YWHAE: variants seen among roughly 807,000 people sequenced by gnomAD.
YWHAE encodes 14-3-3 protein epsilon.
Under a neutral mutation model 30.1 loss-of-function variants are expected in YWHAE, and 4 were observed. The ratio of observed to expected loss-of-function variants is 0.13; its 90% CI spans 0.07 to 0.30. The LOEUF is 0.30. YWHAE is among the 10% of genes least tolerant of loss of function. The pLI is 1.00. For missense variants in YWHAE, 121 were observed against 315.9 expected, an observed-to-expected ratio of 0.38 and a Z score of 4.68; for synonymous variants, 118 against 111.8, an observed-to-expected ratio of 1.06 and a Z score of -0.35.
At chr17:1,356,212 ACAC>A (rs1203599662) in intron 4 of YWHAE, among the ~76,000 whole-genome samples, 10 of 140,080 alleles carry the variant, frequency 7.1e-5, no homozygotes, top group African/African-American at 2.5e-4. Context: ...ACACACACAC[ACAC>A]AAAATTAGCC....
In YWHAE at chr17:1,360,779, G is replaced by A. The variant is rs138430771; in HGVS notation, c.578+313C>T. Among the ~76,000 whole-genome samples, 6 of 152,108 alleles carry A rather than the reference G, an allele frequency of 3.9e-5. No individual in the cohort carries two copies. The East Asian group carries it at 1.2e-3, about 29-fold the overall frequency. On this transcript the variant is annotated intron_variant, in intron 4 of 5. Transcript: ENST00000264335. Reference sequence around the variant, plus strand: ...AGACATGGTCTCAAATTTAAAAAAAGACTGAAAACTAATATAACAAAAATT... The same window carrying A: ...AGACATGGTCTCAAATTTAAAAAAAAACTGAAAACTAATATAACAAAAATT...
chr17:1,345,690 G>A (rs2072505475), intron 5 of YWHAE, among the ~76,000 whole-genome samples, 191 bp from the exon 6 acceptor site: 1 of 151,998 alleles, frequency 6.6e-6, no homozygotes, highest in African/African-American at 2.4e-5. Context: ...GGTCCTGAAA[G>A]TATTTATTGG....
rs549878966 is a variant in YWHAE at position 1,357,762 on chromosome 17, CA to C, written c.578+3329del. On this transcript the variant is annotated intron_variant, in intron 4 of 5. Coordinates refer to ENST00000264335, the MANE Select transcript of YWHAE (RefSeq NM_006761.5). ...CCAACACTGTGAAAACCCATCTCTA[CA>C]TAAAAATACAAAAATTAGCTGGGTA... 1.6e-3 allele frequency among the ~76,000 whole-genome samples: 235 copies of C among 150,704 alleles called. 1 individual carries two copies. Among genetic ancestry groups the C allele is most frequent in the African/African-American group, 5.4e-3 (220 of 41,006 alleles).
chr17:1,355,116 TAAAAAAAAAAAA>T (rs869230957), intron 4 of YWHAE, among the ~76,000 whole-genome samples: 4 of 17,182 alleles, frequency 2.3e-4, no homozygotes, highest in South Asian at 3.1e-3. Flanking sequence ...CAAGATTTTT[TAAAAAAAAAAAA>T]AAAAAAAAAA....
At chr17:1,353,223 G>T (rs1443224641) in intron 5 of YWHAE, among the ~76,000 whole-genome samples, 1 of 151,944 alleles carries the variant, frequency 6.6e-6, no homozygotes, top group Admixed American at 6.6e-5. Context: ...TGGATCACAA[G>T]GTTAGGAGAT....
intron 1 of YWHAE, among the ~76,000 whole-genome samples, chr17:1,370,623 G>T (rs1411409241): frequency 6.6e-6 from 1 of 152,124 alleles, no homozygotes; most frequent in African/African-American, 2.4e-5. Flanking sequence ...TAGAGACGGG[G>T]TTTCAGCATG....
At chr17:1,389,565 C>A (rs1396094322) in intron 1 of YWHAE, among the ~76,000 whole-genome samples, 3 of 148,022 alleles carry the variant, frequency 2.0e-5, no homozygotes, top group African/African-American at 7.5e-5. Flanking sequence ...GAGTCTCGCT[C>A]TGTTGCCCAG....
intron 1 of YWHAE, among the ~76,000 whole-genome samples, chr17:1,370,288 A>G (rs1043720922): frequency 1.3e-5 from 2 of 149,276 alleles, no homozygotes; most frequent in African/African-American, 2.5e-5. Context: ...CACCATGCCC[A>G]GTGAATTTTT....
intron 1 of YWHAE, 26 bp downstream of exon 1, chr17:1,400,021 A>G: frequency 1.9e-6 from 3 of 1,593,562 alleles, no homozygotes; most frequent in Non-Finnish European, 2.6e-6. Flanking sequence ...CGAGAATTCC[A>G]GCCCCCCGTT....
At chr17:1,371,626 T>C (rs560228987) in intron 1 of YWHAE, among the ~76,000 whole-genome samples, 1 of 152,310 alleles carries the variant, frequency 6.6e-6, no homozygotes, top group African/African-American at 2.4e-5. Flanking sequence ...ACCAGCTGCA[T>C]TAGTCCCTAA....
At chr17:1,384,419 C>T (rs184996689) in intron 1 of YWHAE, among the ~76,000 whole-genome samples, 121 of 151,660 alleles carry the variant, frequency 8.0e-4, no homozygotes, top group Middle Eastern at 3.4e-3. Context: ...CGACCGGGCG[C>T]GGTGGCTCAC....
chr17:1,361,082 C>G lies in YWHAE; in HGVS notation c.578+10G>C. 6.2e-7 allele frequency: 1 copy of G among 1,613,474 alleles called. No individual in the cohort carries two copies. The highest frequency in any genetic ancestry group is 8.5e-7 in the Non-Finnish European group (1 of 1,179,498). Reference sequence around the variant, plus strand: ...CACGCTGAGCGCTGCTGTTCTTCCCCACAACTTACCTGCAGGCACGGTCAG... The same window carrying G: ...CACGCTGAGCGCTGCTGTTCTTCCCGACAACTTACCTGCAGGCACGGTCAG... On this transcript the variant is annotated intron_variant, in intron 4 of 5. Transcript: ENST00000264335.
chr17:1,355,115 TTAAAAAAAAAAAAAA>T (rs1346979378), intron 4 of YWHAE, among the ~76,000 whole-genome samples: 21 of 72,378 alleles, frequency 2.9e-4, no homozygotes, highest in East Asian at 1.3e-3. Context: ...CCAAGATTTT[TTAAAAAAAAAAAAAA>T]AAAAAAAAAA....
intron 5 of YWHAE, among the ~76,000 whole-genome samples, chr17:1,353,040 A>G (rs571620844): frequency 2.0e-5 from 3 of 152,208 alleles, no homozygotes; most frequent in Non-Finnish European, 2.9e-5. Flanking sequence ...ATCAACAAAC[A>G]TAACAAATTT....
chr17:1,387,458 C>G (rs1369605343), intron 1 of YWHAE, among the ~76,000 whole-genome samples: 1 of 152,036 alleles, frequency 6.6e-6, no homozygotes, highest in African/African-American at 2.4e-5. Flanking sequence ...GACACTGAAA[C>G]AAAAAATACT....
chr17:1,389,772 C>T (rs1049434475), intron 1 of YWHAE, among the ~76,000 whole-genome samples: 4 of 151,794 alleles, frequency 2.6e-5, no homozygotes, highest in African/African-American at 9.7e-5. Flanking sequence ...CCTCGTAGTC[C>T]GCCCGCCTCG....
At chr17:1,387,628 G>A (rs937458755) in intron 1 of YWHAE, among the ~76,000 whole-genome samples, 2 of 151,952 alleles carry the variant, frequency 1.3e-5, no homozygotes, top group African/African-American at 4.8e-5. Flanking sequence ...TTGCGGGGGT[G>A]GGGGCAGTAG....
intron 4 of YWHAE, among the ~76,000 whole-genome samples, chr17:1,356,245 T>C (rs1394547055): frequency 6.6e-6 from 1 of 151,626 alleles, no homozygotes; most frequent in Non-Finnish European, 1.5e-5. Flanking sequence ...GGCGTATGCC[T>C]GTAATCCCAG....
chr17:1,360,998 C>A (rs2072855341), intron 4 of YWHAE, 94 bp downstream of exon 4: 2 of 1,191,020 alleles, frequency 1.7e-6, no homozygotes, highest in Admixed American at 2.0e-5. Context: ...GCAGCCAAGT[C>A]TACAAAGACA....
Sources: allele counts gnomAD v4.1 joint callset (sites outside exome capture counted in the v4.1 genomes callset), GRCh38; gene constraint gnomAD v4.1.1; transcripts MANE v1.5; gene names NCBI Gene and HGNC (gene_info 2026-07-23, HGNC 2026-07-21).